ADAR: variants seen among roughly 807,000 people sequenced by gnomAD.
ADAR encodes the protein adenosine deaminase RNA specific, also known as double-stranded RNA-specific adenosine deaminase.
Under a neutral mutation model 113.2 loss-of-function variants are expected in ADAR, and 41 were observed. That is an observed-to-expected ratio of 0.36 (90% CI 0.28 to 0.47). The LOEUF (loss-of-function observed/expected upper bound fraction) is 0.47, where lower values mean the gene tolerates loss of function less well. Among genes scored for constraint, ADAR ranks in the 20% least tolerant of loss-of-function variants. The pLI, the probability that ADAR is intolerant of heterozygous loss-of-function variation, is 1.00. For missense variants in ADAR, 1,242 were observed against 1,540.9 expected, an observed-to-expected ratio of 0.81 and a Z score of 3.25; for synonymous variants, 605 against 572.6, an observed-to-expected ratio of 1.06 and a Z score of -0.81.
intron 9 of ADAR, 30 bp from the exon 10 acceptor site, chr1:154,588,703 A>C: frequency 6.2e-7 from 1 of 1,614,042 alleles, no homozygotes; most frequent in Non-Finnish European, 8.5e-7. Context: ...TTAGGAAGGC[A>C]GGTTCAATTC....
intron 6 of ADAR, among the ~76,000 whole-genome samples, chr1:154,593,954 G>A (rs537040231): frequency 6.6e-6 from 1 of 151,998 alleles, no homozygotes; most frequent in South Asian, 2.1e-4. Flanking sequence ...CACAATCTCA[G>A]GTCACTGCAA....
At chr1:154,623,414 C>T (rs1698846894) in intron 1 of ADAR, among the ~76,000 whole-genome samples, 1 of 152,128 alleles carries the variant, frequency 6.6e-6, no homozygotes, top group South Asian at 2.1e-4. Flanking sequence ...TCTAGAAGGA[C>T]CCCAAAGAAG....
At chr1:154,602,937 T>C (rs1697982638) in intron 1 of ADAR, among the ~76,000 whole-genome samples, 3 of 152,134 alleles carry the variant, frequency 2.0e-5, no homozygotes, top group African/African-American at 7.2e-5. Context: ...TTTAAGGGAG[T>C]TGAGAAGGTA....
chr1:154,602,941 G>A (rs977074059), intron 1 of ADAR, among the ~76,000 whole-genome samples: 4 of 152,208 alleles, frequency 2.6e-5, no homozygotes, highest in Admixed American at 6.5e-5. Context: ...AGGGAGTTGA[G>A]AAGGTAATTT....
chr1:154,593,135 CAAAAAAAAA>C (rs66567439), intron 6 of ADAR, among the ~76,000 whole-genome samples: 5 of 74,670 alleles, frequency 6.7e-5, no homozygotes, highest in African/African-American at 1.6e-4. Flanking sequence ...ACTCCATCTC[CAAAAAAAAA>C]AAAAAAAAAA....
At chr1:154,604,648 G>A (rs988917618) in intron 1 of ADAR, among the ~76,000 whole-genome samples, 2 of 152,130 alleles carry the variant, frequency 1.3e-5, no homozygotes, top group Non-Finnish European at 2.9e-5. Flanking sequence ...ACACAGCAAA[G>A]GTCTTTCACC....
At chr1:154,611,248 G>A (rs1404863950), upstream of ADAR, among the ~76,000 whole-genome samples, 1 of 152,152 alleles carries the variant, frequency 6.6e-6, no homozygotes, top group Non-Finnish European at 1.5e-5. Flanking sequence ...CTGCACCGCT[G>A]CTCCCCCCAC....
Position 154,588,118 on chromosome 1 carries a change from C to CA in ADAR, c.3019+6dup. Reference sequence around the variant, plus strand: ...GAGGAAAGGAGGCGGGGGCATGTATCACTCACCGTTCTCCACCTTGGTGCG... The same window carrying CA: ...GAGGAAAGGAGGCGGGGGCATGTATCAACTCACCGTTCTCCACCTTGGTGCG... On this transcript the variant is annotated splice_region_variant and intron_variant, in intron 11 of 14. Coordinates refer to ENST00000368474, the MANE Select transcript of ADAR (RefSeq NM_001111.5). The CA allele has an allele frequency of 6.2e-7, 1 of 1,613,518 alleles. No individual in the cohort carries two copies. Among genetic ancestry groups the CA allele is most frequent in the Non-Finnish European group, 8.5e-7 (1 of 1,179,940 alleles).
upstream of ADAR, chr1:154,608,828 A>AGGGGGGGGG (rs1268448679): frequency 2.7e-5 from 2 of 75,372 alleles, no homozygotes; most frequent in African/African-American, 9.5e-5. Context: ...TCCAATGTGG[A>AGGGGGGGGG]GGGGGGGGGG....
At chr1:154,597,655 A>G (rs1178827547) in intron 4 of ADAR, among the ~76,000 whole-genome samples, 173 bp downstream of exon 4, 1 of 152,204 alleles carries the variant, frequency 6.6e-6, no homozygotes, top group African/African-American at 2.4e-5. Context: ...TTGAATTCCT[A>G]ATCCCTAATT....
chr1:154,592,420 T>C (rs909583587), intron 6 of ADAR, among the ~76,000 whole-genome samples: 1 of 152,060 alleles, frequency 6.6e-6, no homozygotes, highest in Admixed American at 6.5e-5. Flanking sequence ...CTAAAAAAAA[T>C]AGAAGATACT....
intron 1 of ADAR, among the ~76,000 whole-genome samples, chr1:154,623,433 G>C (rs1352107960): frequency 6.6e-6 from 1 of 152,114 alleles, no homozygotes; most frequent in Non-Finnish European, 1.5e-5. Flanking sequence ...AGTGAGATAA[G>C]AGCACACATG....
In ADAR at chr1:154,602,204, G is replaced by A. The variant is rs267598057; in HGVS notation, c.438C>T (p.Phe146=). The A allele has an allele frequency of 6.2e-6, 10 of 1,614,146 alleles. No individual in the cohort carries two copies. In the African/African-American group the frequency reaches 1.2e-4, roughly 19 times the overall value. Residue 146 remains phenylalanine (F), a synonymous_variant, in exon 2 of 15, where the codon TTC becomes TTT. Coordinates refer to ENST00000368474, the MANE Select transcript of ADAR (RefSeq NM_001111.5). ...YQDQEQRILK[F]LEELGEGKAT... ...CCTTCCCTTCCCCAAGCTCTTCCAG[G>A]AACTTTAAGATCCTTTGTTCCTGAT...
intron 6 of ADAR, among the ~76,000 whole-genome samples, chr1:154,593,036 G>C (rs1697250026): frequency 6.7e-6 from 1 of 149,816 alleles, no homozygotes; most frequent in African/African-American, 2.5e-5. Context: ...TCGAGGAGCT[G>C]AGGCAAGAGA....
rs1023512143 is a variant in ADAR, at chr1:154,589,560, C to T, written c.2669-98G>A. The stretch of plus-strand genomic sequence containing the variant: ...TCTGAAAGCTTCAAGGCAGAAACAG[C>T]CTCAGTTTCTCAGATCCTAGACTCC... On this transcript the variant is annotated intron_variant, in intron 8 of 14. Transcript: ENST00000368474. The T allele has an allele frequency of 5.5e-6, 7 of 1,265,986 alleles. No homozygotes were observed. The African/African-American group carries it at 1.0e-4, about 19-fold the overall frequency. 78.4% of individuals were successfully genotyped at this position (1,265,986 alleles called of 1,614,324 possible).
intron 1 of ADAR, among the ~76,000 whole-genome samples, chr1:154,620,037 T>G (rs144036751): frequency 3.7e-4 from 57 of 152,194 alleles, no homozygotes; most frequent in African/African-American, 1.4e-3. Context: ...TAGTTTTAGA[T>G]CTGCAAGATG....
rs752619865 is a variant in ADAR, at chr1:154,598,468, G to A, written c.1719C>T (p.Ala573=). Residue 573 remains alanine, a synonymous_variant, in exon 3 of 15, where the codon GCC becomes GCT. Coordinates refer to ENST00000368474, the MANE Select transcript of ADAR (RefSeq NM_001111.5). Reference sequence around the variant, plus strand: ...CTGATTTTCCACTGTCCTTGGCTTTGGCTTCCTCTAGCAGAATTGTCATGG... The same window carrying A: ...CTGATTTTCCACTGTCCTTGGCTTTAGCTTCCTCTAGCAGAATTGTCATGG... ...MKAMTILLEE[A]KAKDSGKSEE... The A allele has an allele frequency of 6.2e-7, 1 of 1,614,182 alleles. No homozygotes were observed. The highest frequency in any genetic ancestry group is 1.1e-5 in the South Asian group (1 of 91,082).
At chr1:154,620,725 G>A (rs912554416) in intron 1 of ADAR, among the ~76,000 whole-genome samples, 1 of 152,210 alleles carries the variant, frequency 6.6e-6, no homozygotes, top group African/African-American at 2.4e-5. Context: ...TGGCCTTTGG[G>A]GGTAGTGGTG....
upstream of ADAR, among the ~76,000 whole-genome samples, chr1:154,612,952 CA>C (rs1698530697): frequency 6.6e-6 from 1 of 151,914 alleles, no homozygotes; most frequent in African/African-American, 2.4e-5. Context: ...GCTGGGACTA[CA>C]GGCACATGCC....
Sources: allele counts gnomAD v4.1 joint callset (sites outside exome capture counted in the v4.1 genomes callset), GRCh38; gene constraint gnomAD v4.1.1; transcripts MANE v1.5; gene names NCBI Gene and HGNC (gene_info 2026-07-23, HGNC 2026-07-21).